The following SLC23A2 variants were observed in gnomAD, a reference collection of about 807,000 sequenced individuals.
SLC23A2 encodes the protein solute carrier family 23 member 2.
A neutral mutation model predicts 73.3 loss-of-function variants in SLC23A2; 36 were observed. The observed-to-expected ratio is 0.49, with a 90% CI of 0.38 to 0.65. SLC23A2 has a LOEUF of 0.65. Ranked by LOEUF, SLC23A2 falls within the 30% of genes least tolerant of loss-of-function variation. The pLI is 0.00. For synonymous variants in SLC23A2, 343 were observed against 327.3 expected (o/e 1.05, Z -0.52); for missense variants, 507 against 841.6 (o/e 0.60, Z 4.92).
chr20:4,972,465 A>G (rs2087576470), intron 1 of SLC23A2, among the ~76,000 whole-genome samples: 1 of 151,650 alleles, frequency 6.6e-6, no homozygotes, highest in Non-Finnish European at 1.5e-5. Flanking sequence ...TTCCCTTTCT[A>G]AAACATTTTG....
chr20:4,910,996 G>A (rs1932124575), intron 4 of SLC23A2, among the ~76,000 whole-genome samples: 1 of 152,138 alleles, frequency 6.6e-6, no homozygotes, highest in African/African-American at 2.4e-5. Flanking sequence ...AAGTGTTAAT[G>A]CTCATCACTA....
chr20:4,953,799 G>A (rs1378955932), intron 2 of SLC23A2, among the ~76,000 whole-genome samples: 5 of 152,086 alleles, frequency 3.3e-5, no homozygotes, highest in Non-Finnish European at 5.9e-5. Context: ...TGAGACAGGA[G>A]AATCACTTAA....
chr20:4,896,102 C>T (rs1297822044), intron 6 of SLC23A2, among the ~76,000 whole-genome samples: 1 of 152,114 alleles, frequency 6.6e-6, no homozygotes, highest in East Asian at 1.9e-4. Context: ...GGTGGAGAGA[C>T]GTGGGGGGGA....
chr20:4,968,528 C>T (rs2122213820), intron 2 of SLC23A2, among the ~76,000 whole-genome samples: 1 of 152,148 alleles, frequency 6.6e-6, no homozygotes, highest in Non-Finnish European at 1.5e-5. Context: ...CTGTGTTAAT[C>T]CAAGGAAAAT....
intron 9 of SLC23A2, among the ~76,000 whole-genome samples, chr20:4,879,351 G>C (rs1930786229): frequency 7.2e-6 from 1 of 138,994 alleles, no homozygotes. Context: ...GGTGGTTGCA[G>C]TAAGCGAGAT....
At chr20:4,909,887 T>C (rs1932083075) in intron 4 of SLC23A2, among the ~76,000 whole-genome samples, 1 of 152,084 alleles carries the variant, frequency 6.6e-6, no homozygotes, top group Non-Finnish European at 1.5e-5. Flanking sequence ...CAAAAAAAAG[T>C]AGATCTCAAA....
chr20:4,923,055 C>T (rs1932549894), intron 3 of SLC23A2, among the ~76,000 whole-genome samples: 1 of 151,916 alleles, frequency 6.6e-6, no homozygotes, highest in Non-Finnish European at 1.5e-5. Flanking sequence ...AAGTATATTG[C>T]AATATGATAA....
At chr20:4,931,425 G>A (rs936922313) in intron 3 of SLC23A2, among the ~76,000 whole-genome samples, 1 of 151,966 alleles carries the variant, frequency 6.6e-6, no homozygotes, top group African/African-American at 2.4e-5. Flanking sequence ...CAGGCTATGG[G>A]GCATGCCAAC....
intron 6 of SLC23A2, among the ~76,000 whole-genome samples, chr20:4,890,959 A>T (rs1776959): frequency 5.3e-5 from 8 of 152,002 alleles, no homozygotes; most frequent in Non-Finnish European, 1.2e-4. Context: ...ACTTAGGAGG[A>T]TGGGGGTAGC....
At chr20:5,008,190 G>A (rs1007839987) in intron 1 of SLC23A2, among the ~76,000 whole-genome samples, 1 of 152,038 alleles carries the variant, frequency 6.6e-6, no homozygotes, top group Admixed American at 6.6e-5. Context: ...GATTACAGGT[G>A]TGAGCCACCA....
At chr20:4,979,107 A>G (rs1057086911) in intron 1 of SLC23A2, among the ~76,000 whole-genome samples, 1 of 152,144 alleles carries the variant, frequency 6.6e-6, no homozygotes, top group Non-Finnish European at 1.5e-5. Flanking sequence ...AGCCTGGCCA[A>G]CATGGCAAAA....
chr20:4,992,597 A>G (rs558546879), intron 1 of SLC23A2, among the ~76,000 whole-genome samples: 49 of 139,036 alleles, frequency 3.5e-4, no homozygotes, highest in African/African-American at 1.3e-3. Context: ...TGCAACCTCC[A>G]CCTCCCGGGT....
At chr20:4,959,751 G>T (rs2087350420) in intron 2 of SLC23A2, among the ~76,000 whole-genome samples, 1 of 152,104 alleles carries the variant, frequency 6.6e-6, no homozygotes, top group Non-Finnish European at 1.5e-5. Context: ...TTGACCTCCA[G>T]ATCACTGGGA....
rs377596590 is a variant in SLC23A2 at position 4,880,922 on chromosome 20, T to G, written c.824+2720A>C. Among the ~76,000 whole-genome samples the G allele has an allele frequency of 2.6e-5, 4 of 151,850 alleles. No homozygotes were observed. The South Asian group carries it at 8.3e-4, about 32-fold the overall frequency. On this transcript the variant is annotated intron_variant, in intron 9 of 16. Transcript: ENST00000338244. ...GAGAGAGGAGGACCCCTGGGAGACATGAGGGAGAAGCTGGGGACAGTGAGG... is the reference window on the plus strand; with the variant it reads ...GAGAGAGGAGGACCCCTGGGAGACAGGAGGGAGAAGCTGGGGACAGTGAGG...
chr20:4,876,082 T>G (rs1930643132), intron 9 of SLC23A2, among the ~76,000 whole-genome samples: 1 of 152,186 alleles, frequency 6.6e-6, no homozygotes, highest in African/African-American at 2.4e-5. Flanking sequence ...ACACACACAG[T>G]GCCCACGTTA....
intron 6 of SLC23A2, among the ~76,000 whole-genome samples, chr20:4,888,289 C>T (rs575686494): frequency 3.3e-5 from 5 of 152,212 alleles, no homozygotes; most frequent in Admixed American, 6.5e-5. Flanking sequence ...GCTGCTTTCA[C>T]GCTATCACGG....
rs1208142908 is a variant in SLC23A2 at position 4,855,112 on chromosome 20, T to G, written c.*1860A>C. 1 of 152,630 alleles carries G rather than the reference T, an allele frequency of 6.6e-6. No individual in the cohort carries two copies. The highest frequency in any genetic ancestry group is 1.5e-5 in the Non-Finnish European group (1 of 68,044). The allele number at this position is 152,630 out of a possible 1,614,324, so 9.5% of individuals were successfully genotyped here. On this transcript the variant is annotated 3_prime_UTR_variant, in exon 17 of 17. Transcript: ENST00000338244. The stretch of plus-strand genomic sequence containing the variant: ...AATTAGATGTAATTTAGCATCTAAG[T>G]TCTTTACTTAATCTGCAGTAAGTTT...
At chr20:4,938,789 C>T (rs1442258719) in intron 2 of SLC23A2, among the ~76,000 whole-genome samples, 1 of 152,136 alleles carries the variant, frequency 6.6e-6, no homozygotes, top group Non-Finnish European at 1.5e-5. Context: ...TTTCCCAGTC[C>T]CTCATGGCCC....
chr20:4,871,388 G>A (rs1186807734), intron 11 of SLC23A2, among the ~76,000 whole-genome samples: 1 of 152,158 alleles, frequency 6.6e-6, no homozygotes, highest in Non-Finnish European at 1.5e-5. Flanking sequence ...TGGGAACGGA[G>A]GTGCCCCTCC....
Sources: allele counts gnomAD v4.1 joint callset (sites outside exome capture counted in the v4.1 genomes callset), GRCh38; gene constraint gnomAD v4.1.1; transcripts MANE v1.5; gene names NCBI Gene and HGNC (gene_info 2026-07-23, HGNC 2026-07-21).